Variants in SLC4A4 observed in about 807,000 individuals in gnomAD.
The protein encoded by SLC4A4 is electrogenic sodium bicarbonate cotransporter 1.
In SLC4A4, 27 loss-of-function variants were observed where a neutral mutation model predicts 111.5. The ratio of observed to expected loss-of-function variants is 0.24; its 90% CI spans 0.18 to 0.33. The LOEUF (loss-of-function observed/expected upper bound fraction) is 0.33. Ranked by LOEUF, SLC4A4 falls within the 10% of genes least tolerant of loss-of-function variation. The pLI is 1.00. For synonymous variants in SLC4A4, 443 were observed against 463.4 expected (o/e 0.96, Z 0.57); for missense variants, 909 against 1,315.5 (o/e 0.69, Z 4.78).
intron 16 of SLC4A4, among the ~76,000 whole-genome samples, chr4:71,498,727 A>C (rs1220609931): frequency 1.3e-5 from 2 of 152,170 alleles, no homozygotes; most frequent in African/African-American, 2.4e-5. Flanking sequence ...CCACAAAGTG[A>C]AATTTAGAAA....
chr4:71,249,436 C>A (rs1418244462), intron 2 of SLC4A4, among the ~76,000 whole-genome samples: 3 of 152,034 alleles, frequency 2.0e-5, no homozygotes, highest in Non-Finnish European at 2.9e-5. Flanking sequence ...GGCTGGTTTA[C>A]CCCCTGGTAA....
intron 16 of SLC4A4, among the ~76,000 whole-genome samples, chr4:71,500,783 T>G (rs1016136530): frequency 9.9e-5 from 15 of 152,198 alleles, no homozygotes; most frequent in African/African-American, 3.4e-4. Flanking sequence ...TGGCCATAAA[T>G]GCATGGATTT....
chr4:71,102,055 C>A (rs1012926386), intron 2 of SLC4A4, among the ~76,000 whole-genome samples: 1 of 151,470 alleles, frequency 6.6e-6, no homozygotes, highest in Non-Finnish European at 1.5e-5. Context: ...ACTAGAATAA[C>A]CAATACAGAG....
chr4:71,234,832 G>C (rs552233292), intron 1 of SLC4A4, among the ~76,000 whole-genome samples: 1 of 152,248 alleles, frequency 6.6e-6, no homozygotes, highest in East Asian at 1.9e-4. Context: ...GTATAGAGAA[G>C]GAAAATGATG....
intron 1 of SLC4A4, among the ~76,000 whole-genome samples, chr4:71,219,499 G>A (rs1442810121): frequency 6.6e-6 from 1 of 152,206 alleles, no homozygotes; most frequent in Non-Finnish European, 1.5e-5. Flanking sequence ...ACAAGGAGAT[G>A]AATGGTGGTT....
intron 18 of SLC4A4, among the ~76,000 whole-genome samples, chr4:71,536,224 C>A (rs1734407477): frequency 6.6e-6 from 1 of 150,728 alleles, no homozygotes; most frequent in South Asian, 2.1e-4. Context: ...TTGCTGTAGT[C>A]AATGGGTCAA....
chr4:71,538,009 CTG>C, intron 18 of SLC4A4, among the ~76,000 whole-genome samples: 1 of 152,042 alleles, frequency 6.6e-6, no homozygotes. Context: ...AATATATTTT[CTG>C]TGTCTTTTTG....
chr4:71,460,962 C>T (rs1350745861), intron 12 of SLC4A4, among the ~76,000 whole-genome samples: 2 of 151,948 alleles, frequency 1.3e-5, no homozygotes, highest in Non-Finnish European at 2.9e-5. Context: ...TATTTTTGAT[C>T]GTGTGGTTTG....
chr4:71,176,256 C>A (rs561120183), intron 2 of SLC4A4, among the ~76,000 whole-genome samples: 3 of 152,330 alleles, frequency 2.0e-5, no homozygotes, highest in South Asian at 4.1e-4. Context: ...ACTGGAAACT[C>A]TAAAAATCAG....
chr4:71,263,882 A>G (rs1394630885), intron 3 of SLC4A4, among the ~76,000 whole-genome samples: 1 of 152,194 alleles, frequency 6.6e-6, no homozygotes, highest in Non-Finnish European at 1.5e-5. Flanking sequence ...GCAAAATATT[A>G]TAAGACAGCA....
At chr4:71,296,175 C>A (rs912328252) in intron 3 of SLC4A4, among the ~76,000 whole-genome samples, 10 of 149,226 alleles carry the variant, frequency 6.7e-5, no homozygotes, top group African/African-American at 2.5e-4. Context: ...TTTTTATTTT[C>A]ATAGTATAAA....
intron 7 of SLC4A4, chr4:71,437,169 G>C: frequency 2.2e-6 from 1 of 444,732 alleles, no homozygotes; most frequent in South Asian, 1.8e-5. Context: ...CAGCAATATT[G>C]ACTCCACTCC....
chr4:71,316,824 G>A (rs571150842), intron 3 of SLC4A4, among the ~76,000 whole-genome samples: 3 of 152,100 alleles, frequency 2.0e-5, no homozygotes, highest in Admixed American at 6.6e-5. Flanking sequence ...CTGTTCCTGC[G>A]TTAGTTTGCT....
intron 8 of SLC4A4, among the ~76,000 whole-genome samples, chr4:71,443,116 C>CTCTCTCTCTCTCTCTATATATATATA (rs1198759861): frequency 3.0e-5 from 2 of 65,654 alleles, no homozygotes; most frequent in African/African-American, 1.7e-4. Context: ...CTCTCTCTCT[C>CTCTCTCTCTCTCTCTATATATATATA]TATATATATA....
intron 7 of SLC4A4, among the ~76,000 whole-genome samples, chr4:71,420,764 A>C (rs373036112): frequency 0.15 from 20,314 of 136,360 alleles, 1,322 homozygotes; most frequent in South Asian, 0.31. Context: ...GAAATAAAAT[A>C]CTTTACAGAC....
intron 1 of SLC4A4, chr4:71,236,305 A>C: frequency 9.8e-7 from 1 of 1,022,598 alleles, no homozygotes; most frequent in Non-Finnish European, 1.2e-6. Context: ...AGCCCCCAAC[A>C]TCCTGCCTAC....
At chr4:71,335,811 T>C (rs1170935992) in intron 3 of SLC4A4, among the ~76,000 whole-genome samples, 1 of 150,882 alleles carries the variant, frequency 6.6e-6, no homozygotes, top group Non-Finnish European at 1.5e-5. Flanking sequence ...GGCAATAGTG[T>C]GAGACTCTGT....
At chr4:71,401,616 T>G (rs2148985762) in intron 7 of SLC4A4, among the ~76,000 whole-genome samples, 1 of 152,306 alleles carries the variant, frequency 6.6e-6, no homozygotes, top group Non-Finnish European at 1.5e-5. Flanking sequence ...AGGTGGGTGC[T>G]TATCAAATGC....
chr4:71,252,550 A>G (rs1235250544), intron 2 of SLC4A4, among the ~76,000 whole-genome samples: 2 of 152,352 alleles, frequency 1.3e-5, no homozygotes, highest in African/African-American at 4.8e-5. Context: ...TGAATTGCTC[A>G]GCTCAGTGGC....
Sources: allele counts gnomAD v4.1 joint callset (sites outside exome capture counted in the v4.1 genomes callset), GRCh38; gene constraint gnomAD v4.1.1; transcripts MANE v1.5; gene names NCBI Gene and HGNC (gene_info 2026-07-23, HGNC 2026-07-21).